Variants in NRDC observed in about 807,000 individuals in gnomAD.
The protein encoded by NRDC is nardilysin convertase.
A neutral mutation model predicts 147.1 loss-of-function variants in NRDC; 54 were observed. That is an observed-to-expected ratio of 0.37 (90% CI 0.29 to 0.46). The LOEUF (loss-of-function observed/expected upper bound fraction) is 0.46. Among genes scored for constraint, NRDC ranks in the 20% least tolerant of loss-of-function variants. NRDC has a pLI of 1.00. For missense variants in NRDC, 1,082 were observed against 1,370.6 expected, an observed-to-expected ratio of 0.79 and a Z score of 3.33; for synonymous variants, 440 against 482.1, an observed-to-expected ratio of 0.91 and a Z score of 1.14.
rs182658091 is a variant in NRDC, at chr1:51,833,599, T to C, written c.866+418A>G. Among the ~76,000 whole-genome samples the C allele has an allele frequency of 2.4e-3, 367 of 152,216 alleles. 2 individuals are homozygous for C. The highest frequency in any genetic ancestry group is 4.5e-3 in the Non-Finnish European group (305 of 67,994). On this transcript the variant is annotated intron_variant, in intron 4 of 30. Transcript: ENST00000352171. ...TGTATTTAACAGTTTAACAGCTTTTTTCTCCAAATAAAGTTTTGTTTGAGA... is the reference window on the plus strand; with the variant it reads ...TGTATTTAACAGTTTAACAGCTTTTCTCTCCAAATAAAGTTTTGTTTGAGA...
intron 14 of NRDC, among the ~76,000 whole-genome samples, chr1:51,813,648 C>T (rs571964137): frequency 6.6e-6 from 1 of 152,282 alleles, no homozygotes; most frequent in Non-Finnish European, 1.5e-5. Flanking sequence ...AATTCCAAAG[C>T]ACAATGTTTC....
At position 51,790,555 on chromosome 1, in the gene NRDC, A is replaced by T; in HGVS notation, c.3146T>A (p.Leu1049His). 1 of 1,613,250 alleles carries T rather than the reference A, an allele frequency of 6.2e-7. No homozygotes were observed. The highest frequency in any genetic ancestry group is 8.5e-7 in the Non-Finnish European group (1 of 1,179,212). Reference protein sequence around the residue: ...NWNEVVTQQYLFDRLAHEIEA... With the variant: ...NWNEVVTQQYHFDRLAHEIEA... ...TACCTCGTGGGCAAGGCGGTCAAAG[A>T]GGTACTGCTGTGTAACCACTTCATT... Residue 1049 changes from leucine to histidine, a missense_variant, in exon 29 of 31, where the codon CTC (leucine) becomes CAC (histidine). Coordinates refer to ENST00000352171, the MANE Select transcript of NRDC (RefSeq NM_001101662.2).
intron 1 of NRDC, among the ~76,000 whole-genome samples, chr1:51,851,880 G>A (rs1436118975): frequency 2.0e-5 from 3 of 152,146 alleles, no homozygotes; most frequent in South Asian, 4.1e-4. Flanking sequence ...GTAAAGCACT[G>A]AGGCTGCCTG....
At chr1:51,789,813 A>G (rs1678500768) in intron 29 of NRDC, 156 bp from the exon 30 acceptor site, 5 of 612,038 alleles carry the variant, frequency 8.2e-6, no homozygotes, top group South Asian at 7.8e-5. Flanking sequence ...GACCAAAACG[A>G]TGATGAAGCT....
chr1:51,850,931 T>A (rs1288264183), intron 1 of NRDC, among the ~76,000 whole-genome samples: 1 of 152,162 alleles, frequency 6.6e-6, no homozygotes, highest in African/African-American at 2.4e-5. Context: ...CTGGCCTTAT[T>A]GGACTGGGTG....
At chr1:51,836,070 T>G (rs1490401806) in intron 3 of NRDC, 61 bp downstream of exon 3, 1 of 1,239,402 alleles carries the variant, frequency 8.1e-7, no homozygotes, top group Non-Finnish European at 1.2e-6. Context: ...TTGATATCAA[T>G]TCATATAAGT....
chr1:51,797,636 T>C (rs1678991863), intron 22 of NRDC, among the ~76,000 whole-genome samples: 1 of 152,236 alleles, frequency 6.6e-6, no homozygotes, highest in South Asian at 2.1e-4. Flanking sequence ...TCCTCCCATT[T>C]TAGCCTCTAT....
intron 21 of NRDC, 40 bp downstream of exon 21, chr1:51,800,516 T>C (rs1466678014): frequency 1.9e-6 from 3 of 1,609,638 alleles, no homozygotes; most frequent in Non-Finnish European, 2.5e-6. Context: ...AGTAATACTT[T>C]CAGGTCCTCA....
At chr1:51,816,787 T>C (rs948062622) in intron 10 of NRDC, among the ~76,000 whole-genome samples, 2 of 152,194 alleles carry the variant, frequency 1.3e-5, no homozygotes, top group Non-Finnish European at 2.9e-5. Context: ...TGTGGTAAAA[T>C]GAAATGTGTT....
chr1:51,837,103 A>C (rs894490810), intron 2 of NRDC, among the ~76,000 whole-genome samples: 1 of 152,172 alleles, frequency 6.6e-6, no homozygotes, highest in African/African-American at 2.4e-5. Context: ...AATTACAGTA[A>C]GTTAAAAGAC....
chr1:51,820,369 GT>G (rs1680160926), intron 8 of NRDC, among the ~76,000 whole-genome samples: 1 of 152,126 alleles, frequency 6.6e-6, no homozygotes, highest in Non-Finnish European at 1.5e-5. Flanking sequence ...CCAAAACACA[GT>G]TGATGCAAAT....
intron 6 of NRDC, among the ~76,000 whole-genome samples, chr1:51,824,821 T>C (rs1680373967): frequency 1.3e-5 from 2 of 152,176 alleles, no homozygotes; most frequent in Non-Finnish European, 2.9e-5. Context: ...ATGAGATAAC[T>C]TGACTGAAAT....
At chr1:51,868,626 C>T (rs1365339299) in intron 1 of NRDC, among the ~76,000 whole-genome samples, 2 of 152,140 alleles carry the variant, frequency 1.3e-5, no homozygotes, top group Non-Finnish European at 2.9e-5. Flanking sequence ...GTAATTCCAG[C>T]ACTTTGGGAG....
chr1:51,835,863 C>T (rs1429467100), intron 3 of NRDC, among the ~76,000 whole-genome samples: 2 of 152,200 alleles, frequency 1.3e-5, no homozygotes, highest in Admixed American at 6.5e-5. Context: ...TGGCAATCAT[C>T]TCCTGATCCG....
intron 9 of NRDC, among the ~76,000 whole-genome samples, chr1:51,818,511 C>A (rs1016197070): frequency 6.6e-6 from 1 of 152,266 alleles, no homozygotes; most frequent in East Asian, 1.9e-4. Context: ...GCATTTAAAT[C>A]TTTTTGAATC....
intron 4 of NRDC, among the ~76,000 whole-genome samples, chr1:51,831,697 G>T (rs1234575096): frequency 6.6e-6 from 1 of 151,378 alleles, no homozygotes; most frequent in African/African-American, 2.4e-5. Flanking sequence ...TCGTGCCTCA[G>T]CCTCCCAAGC....
At chr1:51,837,397 G>T in intron 2 of NRDC, 1 of 1,243,614 alleles carries the variant, frequency 8.0e-7, no homozygotes, top group Non-Finnish European at 1.1e-6. Context: ...TGAAGACTTA[G>T]GCACATAAAC....
At chr1:51,824,007 G>A (rs957394612) in intron 6 of NRDC, among the ~76,000 whole-genome samples, 1 of 151,586 alleles carries the variant, frequency 6.6e-6, no homozygotes, top group African/African-American at 2.4e-5. Context: ...ATTAATCTCT[G>A]GGAAAACCTT....
At chr1:51,863,461 C>A (rs1289152987) in intron 1 of NRDC, among the ~76,000 whole-genome samples, 1 of 151,994 alleles carries the variant, frequency 6.6e-6, no homozygotes, top group East Asian at 1.9e-4. Context: ...ATGAACTCAA[C>A]CTAAAATTAC....
Sources: allele counts gnomAD v4.1 joint callset (sites outside exome capture counted in the v4.1 genomes callset), GRCh38; gene constraint gnomAD v4.1.1; transcripts MANE v1.5; gene names NCBI Gene and HGNC (gene_info 2026-07-23, HGNC 2026-07-21).